Variants in ATAD5 observed in about 807,000 individuals in gnomAD.
ATAD5 encodes ATPase family AAA domain containing 5.
Under a neutral mutation model 176.9 loss-of-function variants are expected in ATAD5, and 58 were observed. The ratio of observed to expected loss-of-function variants is 0.33; its 90% CI spans 0.27 to 0.41. The LOEUF (loss-of-function observed/expected upper bound fraction) is 0.41, where lower values mean the gene tolerates loss of function less well. Among genes scored for constraint, ATAD5 ranks in the 10% least tolerant of loss-of-function variants. ATAD5 has a pLI of 1.00. For synonymous variants in ATAD5, 640 were observed against 712.6 expected, an observed-to-expected ratio of 0.90 and a Z score of 1.62; for missense variants, 1,789 against 2,094.1, an observed-to-expected ratio of 0.85 and a Z score of 2.84.
chr17:30,860,889 ACC>A (rs897102547), intron 10 of ATAD5, among the ~76,000 whole-genome samples: 3 of 147,434 alleles, frequency 2.0e-5, no homozygotes, highest in African/African-American at 7.4e-5. Flanking sequence ...GATTACAGGC[ACC>A]CACCTGCACG....
rs767008442 is a variant in ATAD5 at position 30,887,227 on chromosome 17, A to G, written c.4113A>G (p.Leu1371=). ...NVASYLQMIC[L]TENFRTDVKD... ...CCAGCTACCTACAAATGATTTGCTT[A>G]ACTGAGAATTTTAGAACTGATGTAA... The change falls in exon 19 of 23, where the codon TTA becomes TTG. Residue 1371 remains leucine (L), a synonymous_variant. Coordinates refer to ENST00000321990, the MANE Select transcript of ATAD5 (RefSeq NM_024857.5). The G allele has an allele frequency of 3.1e-6, 5 of 1,595,044 alleles. No individual in the cohort carries two copies. The highest frequency in any genetic ancestry group is 3.4e-6 in the Non-Finnish European group (4 of 1,174,370).
Position 30,835,967 on chromosome 17 carries a change from AAGC to A in ATAD5, c.1890_1892del (p.Ala631del). ...AGTCAACTAAAGGCTTCCACTCAAAAAGCAGCCAACTTATCGGAAAAGCACAGC... is the reference window on the plus strand; with the variant it reads ...AGTCAACTAAAGGCTTCCACTCAAAAAGCCAACTTATCGGAAAAGCACAGC... On this transcript the variant is annotated inframe_deletion, in exon 2 of 23. Coordinates refer to ENST00000321990, the MANE Select transcript of ATAD5 (RefSeq NM_024857.5). The A allele has an allele frequency of 6.2e-7, 1 of 1,614,128 alleles. No individual in the cohort carries two copies. Among genetic ancestry groups the A allele is most frequent in the Non-Finnish European group, 8.5e-7 (1 of 1,180,016 alleles).
At chr17:30,879,605 C>T in intron 18 of ATAD5, 118 bp downstream of exon 18, 2 of 911,796 alleles carry the variant, frequency 2.2e-6, no homozygotes. Flanking sequence ...CTCTGTCGCC[C>T]AGGCTGGAGT....
chr17:30,859,024 C>T (rs1907459593), intron 9 of ATAD5, among the ~76,000 whole-genome samples: 1 of 152,152 alleles, frequency 6.6e-6, no homozygotes, highest in East Asian at 1.9e-4. Flanking sequence ...GCATGAGTCA[C>T]CACGCCCAGC....
intron 4 of ATAD5, among the ~76,000 whole-genome samples, chr17:30,841,480 A>G (rs954441582): frequency 2.0e-5 from 3 of 152,216 alleles, no homozygotes; most frequent in African/African-American, 7.2e-5. Context: ...CTAATAAAAT[A>G]GTTTGAGATA....
intron 2 of ATAD5, 121 bp downstream of exon 2, chr17:30,836,169 G>A: frequency 2.3e-6 from 2 of 852,534 alleles, no homozygotes. Flanking sequence ...AAAAGAAAAA[G>A]AACAGGATTT....
intron 19 of ATAD5, among the ~76,000 whole-genome samples, chr17:30,891,449 G>A (rs1909633491): frequency 6.6e-6 from 1 of 152,126 alleles, no homozygotes; most frequent in Non-Finnish European, 1.5e-5. Context: ...TTAGTTCACT[G>A]CAGCCTCTGC....
chr17:30,875,600 C>T (rs1908608280), intron 14 of ATAD5, among the ~76,000 whole-genome samples: 1 of 151,842 alleles, frequency 6.6e-6, no homozygotes, highest in Non-Finnish European at 1.5e-5. Context: ...AGTTTGAGAC[C>T]AGCCTGGACA....
At chr17:30,850,831 TTTTATATA>T (rs1261020819) in intron 6 of ATAD5, among the ~76,000 whole-genome samples, 3,011 of 62,154 alleles carry the variant, frequency 0.048, 168 homozygotes, top group African/African-American at 0.077. Flanking sequence ...ATTTATATAT[TTTTATATA>T]TATATATATA....
chr17:30,851,460 C>T (rs1321334954), intron 6 of ATAD5, among the ~76,000 whole-genome samples: 1 of 148,920 alleles, frequency 6.7e-6, no homozygotes, highest in Non-Finnish European at 1.5e-5. Flanking sequence ...CCCGCCACTG[C>T]ACTCCAGCCT....
At chr17:30,871,399 GTGCAGTGGCACAATCTTGGC>G (rs1908325798) in intron 14 of ATAD5, among the ~76,000 whole-genome samples, 1 of 151,558 alleles carries the variant, frequency 6.6e-6, no homozygotes. Context: ...CCAGGCTGGA[GTGCAGTGGCACAATCTTGGC>G]TCGCTGCAAC....
rs1262192178 is a variant in ATAD5 at position 30,893,414 on chromosome 17, A to T, written c.4561A>T (p.Thr1521Ser). The T allele has an allele frequency of 1.2e-6, 2 of 1,613,432 alleles. No individual in the cohort carries two copies. Among genetic ancestry groups the T allele is most frequent in the Admixed American group, 3.3e-5 (2 of 59,968 alleles). ...LEFILPLPVD[T>S]IPETKNFCGP... is the part of the protein sequence containing the mutation. ...GTTTATTCTACCATTACCAGTTGAT[A>T]CCATTCCAGAAACTAAAAACTTTTG... The change falls in exon 21 of 23, where the codon ACC becomes TCC. Residue 1521 changes from threonine to serine, a missense_variant. Physicochemically the swap from Thr to Ser is moderately conservative, Grantham distance 58. Transcript: ENST00000321990.
chr17:30,879,404 TGTG>T lies in ATAD5; in HGVS notation c.4013-18_4013-16del. ...AGTGTTTAAGAATTTTTTTTTTTTGTGTGTGTGTGTGTGTGTAGACCCAACATT... is the reference window on the plus strand; with the variant it reads ...AGTGTTTAAGAATTTTTTTTTTTTGTTGTGTGTGTGTGTAGACCCAACATT... On this transcript the variant is annotated splice_polypyrimidine_tract_variant and intron_variant, in intron 17 of 22. Coordinates refer to ENST00000321990, the MANE Select transcript of ATAD5 (RefSeq NM_024857.5). 1.3e-6 allele frequency: 2 copies of T among 1,522,718 alleles called. No individual in the cohort carries two copies. Among genetic ancestry groups the T allele is most frequent in the Admixed American group, 1.9e-5 (1 of 53,510 alleles). The allele number at this position is 1,522,718 out of a possible 1,614,324, so 94.3% of individuals were successfully genotyped here.
intron 18 of ATAD5, among the ~76,000 whole-genome samples, chr17:30,885,836 T>C (rs537776634): frequency 2.0e-5 from 3 of 151,996 alleles, no homozygotes; most frequent in East Asian, 3.9e-4. Flanking sequence ...GGTTTTGCCA[T>C]GTTGGTCAGG....
chr17:30,850,085 G>T (rs1906775452), intron 6 of ATAD5, among the ~76,000 whole-genome samples: 1 of 152,036 alleles, frequency 6.6e-6, no homozygotes, highest in South Asian at 2.1e-4. Flanking sequence ...TGGCTGCAGT[G>T]AGCTGTAATC....
chr17:30,885,125 T>G (rs1909243620), intron 18 of ATAD5, among the ~76,000 whole-genome samples: 1 of 152,208 alleles, frequency 6.6e-6, no homozygotes, highest in South Asian at 2.1e-4. Flanking sequence ...CTAAATTCTC[T>G]TATTAGTTAT....
chr17:30,852,210 A>G lies in ATAD5; in HGVS notation c.2451-2933A>G, dbSNP rs568428378. 7.2e-4 allele frequency among the ~76,000 whole-genome samples: 110 copies of G among 152,244 alleles called. No individual in the cohort carries two copies. In the Middle Eastern group the frequency reaches 0.01, roughly 14 times the overall value. On this transcript the variant is annotated intron_variant, in intron 6 of 22. Coordinates refer to ENST00000321990, the MANE Select transcript of ATAD5 (RefSeq NM_024857.5). ...ATTCAGTGGATTGTAATCCATTCAT[A>G]TTAGTTATTTTGATGCTCAAATTGT... is the stretch of plus-strand genomic sequence containing the variant.
Position 30,895,049 on chromosome 17 carries a change from G to A in ATAD5, c.*136G>A. ...AAACAATTTGTATATTTTTTTATTGGCGGGTAAATATTTAAAATATTTGAG... is the reference window on the plus strand; with the variant it reads ...AAACAATTTGTATATTTTTTTATTGACGGGTAAATATTTAAAATATTTGAG... On this transcript the variant is annotated 3_prime_UTR_variant, in exon 23 of 23. Transcript: ENST00000321990. 1.8e-6 allele frequency: 1 copy of A among 543,822 alleles called. No individual in the cohort carries two copies. The highest frequency in any genetic ancestry group is 6.9e-5 in the South Asian group (1 of 14,460). 33.7% of individuals were successfully genotyped at this position (543,822 alleles called of 1,614,324 possible). A position where few individuals can be genotyped will look rare whatever the true frequency, so the allele number is the denominator to read the frequency against.
In ATAD5 at chr17:30,834,216, A is replaced by T; in HGVS notation, c.135A>T (p.Pro45=). ...AAACAATTACAAAATATTTATCACC[A>T]CTAGGGAAGACTAGAGACAGGGTTT... is the stretch of plus-strand genomic sequence containing the variant. The part of the protein sequence containing the change: ...TCKTITKYLS[P]LGKTRDRVFA... Residue 45 remains proline, a synonymous_variant, in exon 2 of 23, where the codon CCA becomes CCT. Transcript: ENST00000321990. 1 of 1,610,362 alleles carries T rather than the reference A, an allele frequency of 6.2e-7. No homozygotes were observed. Among genetic ancestry groups the T allele is most frequent in the East Asian group, 2.2e-5 (1 of 44,780 alleles).
Sources: allele counts gnomAD v4.1 joint callset (sites outside exome capture counted in the v4.1 genomes callset), GRCh38; gene constraint gnomAD v4.1.1; transcripts MANE v1.5; gene names NCBI Gene and HGNC (gene_info 2026-07-23, HGNC 2026-07-21).